The following AKAP19 variants were observed in gnomAD, a reference collection of about 807,000 sequenced individuals.
AKAP19 encodes the protein small A-kinase anchoring protein.
At chr2:190,118,429 G>C in the AKAP19 span, among the ~76,000 whole-genome samples, 1 of 152,178 alleles carries the variant, frequency 6.6e-6, no homozygotes, top group Non-Finnish European at 1.5e-5. Flanking sequence ...GAGAATTTTA[G>C]ACCAATATCC....
At chr2:190,188,810 G>A in the AKAP19 span, among the ~76,000 whole-genome samples, 1 of 152,132 alleles carries the variant, frequency 6.6e-6, no homozygotes, top group East Asian at 1.9e-4. Flanking sequence ...TTACTTTAAG[G>A]ATGATGCTTT....
chr2:190,074,512 G>A, the AKAP19 span, among the ~76,000 whole-genome samples: 6 of 152,038 alleles, frequency 3.9e-5, no homozygotes, highest in East Asian at 1.9e-4. Flanking sequence ...TTAGCTGGGC[G>A]TGGTGGCGCG....
At chr2:189,896,815 A>G in the AKAP19 span, among the ~76,000 whole-genome samples, 1 of 152,126 alleles carries the variant, frequency 6.6e-6, no homozygotes, top group South Asian at 2.1e-4. Context: ...CAAAGGATAA[A>G]GAAAGAGAAA....
the AKAP19 span, among the ~76,000 whole-genome samples, chr2:190,048,306 C>T: frequency 1.3e-5 from 2 of 152,154 alleles, no homozygotes; most frequent in African/African-American, 4.8e-5. Context: ...ATCTCTCTTC[C>T]TCTTTGAGCT....
At chr2:190,080,443 G>A in the AKAP19 span, among the ~76,000 whole-genome samples, 1 of 152,222 alleles carries the variant, frequency 6.6e-6, no homozygotes, top group African/African-American at 2.4e-5. Context: ...GTTGGAGGGA[G>A]TCAAGGTTTA....
At chr2:190,126,362 TACA>T in the AKAP19 span, among the ~76,000 whole-genome samples, 1 of 136,030 alleles carries the variant, frequency 7.4e-6, no homozygotes. Flanking sequence ...ACTATATAGG[TACA>T]ATTTTCTTAA....
chr2:189,915,212 T>C, the AKAP19 span, among the ~76,000 whole-genome samples: 1 of 152,174 alleles, frequency 6.6e-6, no homozygotes, highest in Admixed American at 6.5e-5. Flanking sequence ...ACTCTCATTG[T>C]ACTACTTGCT....
the AKAP19 span, among the ~76,000 whole-genome samples, chr2:190,038,889 T>TTTCC: frequency 2.6e-5 from 1 of 38,562 alleles, no homozygotes; most frequent in African/African-American, 7.8e-5. Flanking sequence ...TCTTTCTTTC[T>TTTCC]TTCTTTCTTT....
At chr2:190,078,281 G>T in the AKAP19 span, among the ~76,000 whole-genome samples, 2 of 152,132 alleles carry the variant, frequency 1.3e-5, no homozygotes, top group African/African-American at 4.8e-5. Flanking sequence ...AGGAATTATA[G>T]TCTTATGCTG....
the AKAP19 span, among the ~76,000 whole-genome samples, chr2:189,957,830 G>A: frequency 6.6e-6 from 1 of 152,172 alleles, no homozygotes; most frequent in African/African-American, 2.4e-5. Context: ...ATCTCACTCT[G>A]TCACCCAGGC....
At chr2:189,908,723 G>T in the AKAP19 span, among the ~76,000 whole-genome samples, 1 of 152,080 alleles carries the variant, frequency 6.6e-6, no homozygotes, top group Admixed American at 6.5e-5. Context: ...AAATATATTT[G>T]ATATGATTTT....
At chr2:190,052,619 C>T in the AKAP19 span, among the ~76,000 whole-genome samples, 49 of 152,194 alleles carry the variant, frequency 3.2e-4, no homozygotes, top group African/African-American at 1.2e-3. Flanking sequence ...GGATCTATGG[C>T]CCAAACCGCA....
the AKAP19 span, among the ~76,000 whole-genome samples, chr2:189,881,695 G>T: frequency 6.6e-6 from 1 of 152,008 alleles, no homozygotes; most frequent in African/African-American, 2.4e-5. Flanking sequence ...GAAAAATGGG[G>T]AAAAAGAAGG....
At chr2:190,074,577 G>T in the AKAP19 span, among the ~76,000 whole-genome samples, 1 of 152,098 alleles carries the variant, frequency 6.6e-6, no homozygotes, top group South Asian at 2.1e-4. Flanking sequence ...CTTAAACCCG[G>T]GAGTTGGAAG....
the AKAP19 span, among the ~76,000 whole-genome samples, chr2:189,921,975 G>T: frequency 6.6e-6 from 1 of 152,176 alleles, no homozygotes; most frequent in Non-Finnish European, 1.5e-5. Flanking sequence ...AAATGAATTG[G>T]TAAGTATAAA....
the AKAP19 span, among the ~76,000 whole-genome samples, chr2:190,132,921 TCAAA>T: frequency 4.6e-5 from 7 of 151,674 alleles, no homozygotes; most frequent in South Asian, 2.1e-4. Context: ...TATAAGCAAC[TCAAA>T]CAATTCAATA....
the AKAP19 span, among the ~76,000 whole-genome samples, chr2:190,050,874 C>A: frequency 6.6e-6 from 1 of 152,282 alleles, no homozygotes; most frequent in East Asian, 1.9e-4. Context: ...AGATATTACA[C>A]CTCTCCTAGA....
chr2:190,001,307 T>C, the AKAP19 span, among the ~76,000 whole-genome samples: 1 of 152,172 alleles, frequency 6.6e-6, no homozygotes, highest in South Asian at 2.1e-4. Flanking sequence ...CGTTGTTAAA[T>C]ACAGTATCGG....
At chr2:189,965,724 T>C in the AKAP19 span, among the ~76,000 whole-genome samples, 1 of 152,140 alleles carries the variant, frequency 6.6e-6, no homozygotes, top group African/African-American at 2.4e-5. Context: ...GTACAACCAC[T>C]ATGGAAAACA....
Sources: gnomAD v4.1 joint callset for allele counts (sites outside exome capture counted in the v4.1 genomes callset) on GRCh38, gnomAD v4.1.1 for gene constraint, MANE v1.5 for transcripts, NCBI Gene and HGNC (gene_info 2026-07-23, HGNC 2026-07-21) for gene names.